NPAS3: variants seen among roughly 807,000 people sequenced by gnomAD.
NPAS3 encodes neuronal PAS domain-containing protein 3.
NPAS3 carries 14 observed loss-of-function variants against 73.1 expected under a neutral mutation model. The observed-to-expected ratio is 0.19, with a 90% CI of 0.13 to 0.30. NPAS3 has a LOEUF of 0.30. Among genes scored for constraint, NPAS3 ranks in the 10% least tolerant of loss-of-function variants. The probability of loss-of-function intolerance (pLI) is 1.00; values close to 1 mark genes in which losing one functional copy is unlikely to be tolerated. For synonymous variants in NPAS3, 620 were observed against 541.5 expected, an observed-to-expected ratio of 1.14 and a Z score of -2.01; for missense variants, 1,096 against 1,250.0, an observed-to-expected ratio of 0.88 and a Z score of 1.86.
At chr14:33,080,955 G>A (rs1362992822) in intron 2 of NPAS3, among the ~76,000 whole-genome samples, 2 of 152,098 alleles carry the variant, frequency 1.3e-5, no homozygotes, top group African/African-American at 4.8e-5. Flanking sequence ...TTTCCCAGAG[G>A]CCGTTTGTTA....
At chr14:33,101,938 G>A (rs1393548760) in intron 2 of NPAS3, among the ~76,000 whole-genome samples, 1 of 151,990 alleles carries the variant, frequency 6.6e-6, no homozygotes, top group East Asian at 1.9e-4. Flanking sequence ...CATAAACTGA[G>A]GCATCATTCT....
At chr14:33,308,907 G>A (rs778493445) in intron 3 of NPAS3, among the ~76,000 whole-genome samples, 1 of 152,058 alleles carries the variant, frequency 6.6e-6, no homozygotes, top group Non-Finnish European at 1.5e-5. Flanking sequence ...ATTATATATA[G>A]CTGGCACTTT....
intron 4 of NPAS3, among the ~76,000 whole-genome samples, chr14:33,479,945 A>G (rs955005379): frequency 3.9e-5 from 6 of 152,180 alleles, no homozygotes; most frequent in African/African-American, 1.4e-4. Flanking sequence ...AGACATTTCC[A>G]ACATTATCAA....
chr14:33,267,551 CT>C (rs1320996855), intron 3 of NPAS3, among the ~76,000 whole-genome samples: 1 of 152,010 alleles, frequency 6.6e-6, no homozygotes, highest in African/African-American at 2.4e-5. Context: ...TGAAATTAAG[CT>C]TTTTTCCCCT....
intron 4 of NPAS3, among the ~76,000 whole-genome samples, chr14:33,468,182 T>C (rs2050619812): frequency 6.6e-6 from 1 of 152,218 alleles, no homozygotes; most frequent in Non-Finnish European, 1.5e-5. Flanking sequence ...CTGTTGAATG[T>C]ACATAAAATT....
intron 3 of NPAS3, among the ~76,000 whole-genome samples, chr14:33,339,058 C>T (rs998727118): frequency 3.3e-5 from 5 of 152,114 alleles, no homozygotes; most frequent in Non-Finnish European, 4.4e-5. Context: ...TTTTCAGTAA[C>T]GTCGAATTTT....
chr14:33,264,777 A>G (rs999891464), intron 3 of NPAS3, among the ~76,000 whole-genome samples: 2 of 152,148 alleles, frequency 1.3e-5, no homozygotes, highest in African/African-American at 4.8e-5. Context: ...TTTCTGAGCC[A>G]TCAGGCCCAG....
chr14:33,049,991 T>C (rs2040646743), intron 1 of NPAS3, among the ~76,000 whole-genome samples: 1 of 152,242 alleles, frequency 6.6e-6, no homozygotes, highest in South Asian at 2.1e-4. Context: ...TAAAGCTTAG[T>C]AGCTTTCCAG....
intron 3 of NPAS3, among the ~76,000 whole-genome samples, chr14:33,359,195 T>C (rs1455957156): frequency 6.6e-6 from 1 of 152,170 alleles, no homozygotes; most frequent in Admixed American, 6.5e-5. Flanking sequence ...CAAGAGACTT[T>C]GTATTCTTTC....
At chr14:33,773,374 G>A (rs936619463) in intron 7 of NPAS3, among the ~76,000 whole-genome samples, 6 of 152,128 alleles carry the variant, frequency 3.9e-5, no homozygotes, top group South Asian at 2.1e-4. Context: ...TAGCAGAGTC[G>A]TGGGAACACA....
intron 4 of NPAS3, among the ~76,000 whole-genome samples, chr14:33,494,193 A>G (rs1400201787): frequency 6.6e-6 from 1 of 152,094 alleles, no homozygotes; most frequent in Non-Finnish European, 1.5e-5. Flanking sequence ...CAGGGCTCAG[A>G]AGAGACCTCA....
At chr14:33,672,718 C>G (rs982330302) in intron 5 of NPAS3, among the ~76,000 whole-genome samples, 7 of 148,680 alleles carry the variant, frequency 4.7e-5, no homozygotes, top group African/African-American at 1.5e-4. Flanking sequence ...AAAAAAAAAT[C>G]AGACAAGGGT....
intron 2 of NPAS3, among the ~76,000 whole-genome samples, chr14:33,195,859 C>A (rs2046333448): frequency 6.6e-6 from 1 of 152,126 alleles, no homozygotes; most frequent in Admixed American, 6.6e-5. Flanking sequence ...TTATTGAAGG[C>A]TGAACAATGG....
chr14:33,577,953 G>T (rs1266465688), intron 5 of NPAS3, among the ~76,000 whole-genome samples: 1 of 152,188 alleles, frequency 6.6e-6, no homozygotes, highest in African/African-American at 2.4e-5. Flanking sequence ...AGGAGTCTTA[G>T]TGGCCACATC....
intron 2 of NPAS3, among the ~76,000 whole-genome samples, chr14:33,188,281 A>G (rs554335768): frequency 1.3e-5 from 2 of 152,364 alleles, no homozygotes; most frequent in South Asian, 4.1e-4. Context: ...TTCCACAGAA[A>G]GGAAGATTTC....
Position 33,800,519 on chromosome 14 carries a change from G to A in NPAS3, c.2212G>A (p.Ala738Thr). The change falls in exon 12 of 12, where the codon GCC (alanine) becomes ACC (threonine). Residue 738 changes from alanine to threonine, a missense_variant. By Grantham distance (58) the Ala-to-Thr change is moderately conservative (BLOSUM62 0). This residue lies in a region of NPAS3 where 698 missense variants were observed against 676.7 expected (regional missense o/e 1.03). Coordinates refer to ENST00000356141, the Ensembl canonical transcript of NPAS3. The surrounding 1 kb of genome is among the most constrained non-coding windows in gnomAD (Gnocchi z 6.5). ...TCAGTTCGGCGCCTCGGCCACCGCG[G>A]CCCTGGCCCCCGTCGCCTCCGACCC... 1.4e-6 allele frequency: 2 copies of A among 1,392,102 alleles called. No homozygotes were observed. Among genetic ancestry groups the A allele is most frequent in the Non-Finnish European group, 1.9e-6 (2 of 1,080,228 alleles). 86.2% of individuals were successfully genotyped at this position (1,392,102 alleles called of 1,614,324 possible).
In NPAS3 at chr14:33,800,019, A is replaced by G. The variant is rs774241728; in HGVS notation, c.1712A>G (p.Asn571Ser). The change falls in exon 12 of 12, where the codon AAC (asparagine) becomes AGC (serine). Residue 571 changes from asparagine (N) to serine (S), a missense_variant. This residue lies in a region of NPAS3 where 698 missense variants were observed against 676.7 expected (regional missense o/e 1.03). Transcript: ENST00000356141. This position sits in a 1 kb window ranked among gnomAD's most constrained non-coding sequence, Gnocchi z 6.5. ...AGCGAGTCGGACCTGCGGCTGCAGA[A>G]CTGCGAGTCACTCACGTCCGACAGC... 1.2e-6 allele frequency: 2 copies of G among 1,611,380 alleles called. No individual in the cohort carries two copies. The highest frequency in any genetic ancestry group is 2.2e-5 in the South Asian group (2 of 91,030).
At chr14:33,189,197 A>G (rs2046083170) in intron 2 of NPAS3, among the ~76,000 whole-genome samples, 1 of 152,190 alleles carries the variant, frequency 6.6e-6, no homozygotes, top group Non-Finnish European at 1.5e-5. Context: ...ACCCAGTTTC[A>G]TGTCTTTGGC....
At chr14:33,663,678 G>GT (rs2059373538) in intron 5 of NPAS3, among the ~76,000 whole-genome samples, 1 of 151,964 alleles carries the variant, frequency 6.6e-6, no homozygotes, top group African/African-American at 2.4e-5. Flanking sequence ...TGGTCCTGGG[G>GT]TTTTTTTGGT....
Sources: allele counts gnomAD v4.1 joint callset (sites outside exome capture counted in the v4.1 genomes callset), GRCh38; gene constraint gnomAD v4.1.1; regional missense constraint gnomAD v4.1.1; non-coding constraint Gnocchi (gnomAD v3.1); transcripts MANE v1.5; gene names NCBI Gene and HGNC (gene_info 2026-07-23, HGNC 2026-07-21).